Variants in TNFRSF21 observed in about 807,000 individuals in gnomAD.
TNFRSF21 encodes TNF receptor superfamily member 21.
Under a neutral mutation model 45.6 loss-of-function variants are expected in TNFRSF21, and 19 were observed. The observed-to-expected ratio is 0.42, with a 90% confidence interval of 0.29 to 0.61. The LOEUF is 0.61. Ranked by LOEUF, TNFRSF21 falls within the 20% of genes least tolerant of loss-of-function variation. The pLI is 0.23. For missense variants in TNFRSF21, 737 were observed against 851.5 expected (o/e 0.87, Z 1.67); for synonymous variants, 314 against 335.5 (o/e 0.94, Z 0.70).
chr6:47,300,746 T>C (rs1762855864), intron 1 of TNFRSF21, among the ~76,000 whole-genome samples: 1 of 152,202 alleles, frequency 6.6e-6, no homozygotes, highest in Non-Finnish European at 1.5e-5. Context: ...CCTCCTGGCA[T>C]ACTCTTCCTT....
At chr6:47,238,888 TGCCTTTCCC>T (rs1308815575) in intron 4 of TNFRSF21, among the ~76,000 whole-genome samples, 2 of 152,198 alleles carry the variant, frequency 1.3e-5, no homozygotes, top group Admixed American at 6.5e-5. Context: ...CTGTCATCAT[TGCCTTTCCC>T]CATTTCCAGC....
At chr6:47,233,091 T>C (rs1330571648) in intron 5 of TNFRSF21, 97 bp from the exon 6 acceptor site, 4 of 1,053,066 alleles carry the variant, frequency 3.8e-6, no homozygotes, top group Non-Finnish European at 5.6e-6. Context: ...GAGACATCTA[T>C]GTCCCCCCCA....
intron 4 of TNFRSF21, among the ~76,000 whole-genome samples, chr6:47,251,761 G>T (rs2295268): frequency 1.3e-5 from 2 of 152,014 alleles, no homozygotes; most frequent in African/African-American, 2.4e-5. Flanking sequence ...TCAAACTGCC[G>T]CCATTTTACT....
At chr6:47,251,129 A>G (rs115554257) in intron 4 of TNFRSF21, among the ~76,000 whole-genome samples, 1 of 152,334 alleles carries the variant, frequency 6.6e-6, no homozygotes, top group African/African-American at 2.4e-5. Context: ...ATATCAGATA[A>G]AGGATACTCA....
intron 3 of TNFRSF21, among the ~76,000 whole-genome samples, chr6:47,259,351 A>C (rs1326361480): frequency 1.3e-5 from 2 of 150,034 alleles, no homozygotes; most frequent in Admixed American, 1.3e-4. Flanking sequence ...GCTGATAGAC[A>C]GGGGCACAGA....
intron 3 of TNFRSF21, among the ~76,000 whole-genome samples, chr6:47,266,953 C>G (rs1762339548): frequency 1.3e-5 from 2 of 152,134 alleles, no homozygotes; most frequent in East Asian, 3.9e-4. Context: ...CTTCTTTCAC[C>G]TCCCAAGGCT....
At chr6:47,292,741 C>T (rs907292476) in intron 1 of TNFRSF21, among the ~76,000 whole-genome samples, 5 of 152,202 alleles carry the variant, frequency 3.3e-5, no homozygotes, top group African/African-American at 1.2e-4. Flanking sequence ...AGTCTCTGCT[C>T]AAATCCACTC....
At chr6:47,265,647 A>G (rs961781740) in intron 3 of TNFRSF21, among the ~76,000 whole-genome samples, 4 of 152,230 alleles carry the variant, frequency 2.6e-5, no homozygotes, top group African/African-American at 7.2e-5. Context: ...TGATACTTAT[A>G]AAAACTTAGA....
chr6:47,259,292 G>A (rs1765035145), intron 3 of TNFRSF21, among the ~76,000 whole-genome samples: 1 of 152,050 alleles, frequency 6.6e-6, no homozygotes, highest in Non-Finnish European at 1.5e-5. Context: ...GATGCCAAGT[G>A]TCTTTTTCCT....
intron 3 of TNFRSF21, among the ~76,000 whole-genome samples, chr6:47,275,298 A>G (rs2113859903): frequency 6.6e-6 from 1 of 152,340 alleles, no homozygotes; most frequent in South Asian, 2.1e-4. Flanking sequence ...AATGTGGCAC[A>G]TATACACCAT....
chr6:47,268,563 T>C, intron 3 of TNFRSF21, among the ~76,000 whole-genome samples: 1 of 152,212 alleles, frequency 6.6e-6, no homozygotes, highest in East Asian at 1.9e-4. Flanking sequence ...TGTTGAAAGA[T>C]TTTAAGATTT....
At chr6:47,308,724 G>A (rs1762973573) in intron 1 of TNFRSF21, among the ~76,000 whole-genome samples, 1 of 152,208 alleles carries the variant, frequency 6.6e-6, no homozygotes, top group Admixed American at 6.5e-5. Context: ...CAGTGCCGGC[G>A]CGCTGGCTGG....
chr6:47,253,588 C>A (rs1208618499), intron 3 of TNFRSF21, 67 bp from the exon 4 acceptor site: 1 of 1,554,398 alleles, frequency 6.4e-7, no homozygotes, highest in East Asian at 2.2e-5. Flanking sequence ...TAAGGCAGCT[C>A]TGCTTTAATG....
Position 47,231,668 on chromosome 6 carries a change from A to T in TNFRSF21, c.*1097T>A, listed in dbSNP as rs1440130633. On this transcript the variant is annotated 3_prime_UTR_variant, in exon 6 of 6. Coordinates refer to ENST00000296861, the MANE Select transcript of TNFRSF21 (RefSeq NM_014452.5). ...CCTTTGCATTGGAACCTGGCAACTG[A>T]GCATTAGAAGGTACATTTGTAAATG... is the stretch of plus-strand genomic sequence containing the variant. 6.6e-6 allele frequency: 1 copy of T among 152,604 alleles called. No homozygotes were observed. The highest frequency in any genetic ancestry group is 1.5e-5 in the Non-Finnish European group (1 of 68,040). The allele number at this position is 152,604 out of a possible 1,614,324, so 9.5% of individuals were successfully genotyped here.
At chr6:47,255,689 C>G (rs1442911580) in intron 3 of TNFRSF21, among the ~76,000 whole-genome samples, 2 of 152,156 alleles carry the variant, frequency 1.3e-5, no homozygotes, top group African/African-American at 4.8e-5. Flanking sequence ...TCTCAAACTC[C>G]TGACCTCAGG....
intron 1 of TNFRSF21, among the ~76,000 whole-genome samples, chr6:47,303,909 C>G (rs1762905410): frequency 1.3e-5 from 2 of 152,324 alleles, no homozygotes; most frequent in South Asian, 4.1e-4. Flanking sequence ...CAAGGCCCAG[C>G]CTTCTGCTAA....
chr6:47,262,731 G>T (rs1363041069), intron 3 of TNFRSF21, among the ~76,000 whole-genome samples: 1 of 152,174 alleles, frequency 6.6e-6, no homozygotes, highest in Non-Finnish European at 1.5e-5. Context: ...ATGGCAGGAA[G>T]GGTATTGGCA....
At chr6:47,239,285 C>CA (rs548172761) in intron 4 of TNFRSF21, among the ~76,000 whole-genome samples, 1,991 of 54,478 alleles carry the variant, frequency 0.037, 16 homozygotes, top group Non-Finnish European at 0.048. Flanking sequence ...GACTCCATCT[C>CA]AAAAAAAAAA....
At chr6:47,270,857 C>A (rs1298722505) in intron 3 of TNFRSF21, among the ~76,000 whole-genome samples, 1 of 152,148 alleles carries the variant, frequency 6.6e-6, no homozygotes, top group Non-Finnish European at 1.5e-5. Flanking sequence ...GGCACGAGAA[C>A]TTCGAGACAC....
Sources: gnomAD v4.1 joint callset for allele counts (sites outside exome capture counted in the v4.1 genomes callset) on GRCh38, gnomAD v4.1.1 for gene constraint, MANE v1.5 for transcripts, NCBI Gene and HGNC (gene_info 2026-07-23, HGNC 2026-07-21) for gene names.